Variants in PTPRD observed in about 807,000 individuals in gnomAD.
PTPRD encodes receptor-type tyrosine-protein phosphatase delta.
PTPRD carries 34 observed loss-of-function variants against 214.5 expected under a neutral mutation model. The ratio of observed to expected loss-of-function variants is 0.16; its 90% confidence interval spans 0.12 to 0.21. The LOEUF is 0.21. PTPRD is among the 10% of genes least tolerant of loss of function. The pLI is 1.00. For synonymous variants in PTPRD, 1,128 were observed against 845.7 expected (o/e 1.33, Z -5.79); for missense variants, 2,545 against 2,398.7 (o/e 1.06, Z -1.27).
At chr9:9,530,502 T>C (rs1427870849) in intron 8 of PTPRD, among the ~76,000 whole-genome samples, 2 of 151,984 alleles carry the variant, frequency 1.3e-5, no homozygotes, top group Non-Finnish European at 2.9e-5. Context: ...ATAAGAAGTC[T>C]CCAAACAAAG....
chr9:9,110,059 G>C (rs1315591020), intron 10 of PTPRD, among the ~76,000 whole-genome samples: 8 of 152,078 alleles, frequency 5.3e-5, no homozygotes, highest in Admixed American at 3.9e-4. Context: ...GGACAGGAAT[G>C]ACTTCATGGC....
chr9:10,218,207 A>G (rs1176832969), intron 3 of PTPRD, among the ~76,000 whole-genome samples: 2 of 151,914 alleles, frequency 1.3e-5, no homozygotes, highest in African/African-American at 2.4e-5. Context: ...GTAAAGGCAG[A>G]CTTAAAAATA....
intron 12 of PTPRD, among the ~76,000 whole-genome samples, chr9:8,725,544 A>G (rs1301988812): frequency 6.6e-6 from 1 of 152,164 alleles, no homozygotes; most frequent in Non-Finnish European, 1.5e-5. Context: ...AGTTAATGGG[A>G]TAATATATGC....
At chr9:8,579,336 A>G (rs1295654542) in intron 14 of PTPRD, among the ~76,000 whole-genome samples, 1 of 152,244 alleles carries the variant, frequency 6.6e-6, no homozygotes, top group Non-Finnish European at 1.5e-5. Flanking sequence ...TAATTTTAAA[A>G]GAAAAGATAT....
intron 7 of PTPRD, among the ~76,000 whole-genome samples, chr9:9,693,681 A>G (rs1247967593): frequency 6.6e-6 from 1 of 152,120 alleles, no homozygotes; most frequent in Non-Finnish European, 1.5e-5. Flanking sequence ...TAAACTTTCT[A>G]CTTCTATGTC....
intron 6 of PTPRD, among the ~76,000 whole-genome samples, chr9:9,757,761 T>C (rs1470466550): frequency 6.6e-6 from 1 of 152,166 alleles, no homozygotes; most frequent in Non-Finnish European, 1.5e-5. Context: ...TCTTATAAAA[T>C]CTTCATCATG....
intron 33 of PTPRD, among the ~76,000 whole-genome samples, chr9:8,450,732 T>C (rs560873495): frequency 2.6e-5 from 4 of 152,346 alleles, no homozygotes; most frequent in Non-Finnish European, 2.9e-5. Flanking sequence ...CAGATCTGTA[T>C]ATAAGATTTC....
chr9:8,786,408 T>TC (rs2095972980), intron 11 of PTPRD, among the ~76,000 whole-genome samples: 2 of 135,810 alleles, frequency 1.5e-5, no homozygotes, highest in African/African-American at 5.6e-5. Flanking sequence ...AGTTCTTTTT[T>TC]TTTTTTTTTT....
In PTPRD at chr9:9,484,613, C is replaced by T. The variant is rs574427536; in HGVS notation, c.-236-87131G>A. Among the ~76,000 whole-genome samples the T allele has an allele frequency of 2.6e-5, 4 of 152,184 alleles. No individual in the cohort carries two copies. In the East Asian group the frequency reaches 7.7e-4, roughly 29 times the overall value. On this transcript the variant is annotated intron_variant, in intron 8 of 45. Coordinates refer to ENST00000381196, the MANE Select transcript of PTPRD (RefSeq NM_002839.4). ...GTTATTGGTTTACATTCATTCAGTG[C>T]CCATATACATTATTTCATTTAATCC...
chr9:9,730,870 T>C (rs991507119), intron 7 of PTPRD, among the ~76,000 whole-genome samples: 6 of 152,110 alleles, frequency 3.9e-5, no homozygotes, highest in African/African-American at 1.4e-4. Flanking sequence ...GCATTGCACC[T>C]GACAAACGGT....
intron 11 of PTPRD, among the ~76,000 whole-genome samples, chr9:8,740,656 C>G (rs1266094803): frequency 6.6e-6 from 1 of 152,038 alleles, no homozygotes; most frequent in Non-Finnish European, 1.5e-5. Context: ...CTTGTAACAC[C>G]TCAAAATTAT....
chr9:9,805,697 T>C (rs2099068765), intron 5 of PTPRD, among the ~76,000 whole-genome samples: 2 of 152,150 alleles, frequency 1.3e-5, no homozygotes, highest in Non-Finnish European at 2.9e-5. Flanking sequence ...TTTTTCAGCT[T>C]AAAAAGCAAT....
At chr9:10,012,157 C>T (rs769599485) in intron 4 of PTPRD, among the ~76,000 whole-genome samples, 11 of 151,488 alleles carry the variant, frequency 7.3e-5, no homozygotes, top group South Asian at 2.1e-4. Flanking sequence ...CATTGTAAGA[C>T]GTATACAAAT....
At chr9:9,666,904 G>T (rs1162915859) in intron 7 of PTPRD, among the ~76,000 whole-genome samples, 1 of 151,632 alleles carries the variant, frequency 6.6e-6, no homozygotes, top group African/African-American at 2.4e-5. Context: ...ATACATTGTT[G>T]TATTTAATGC....
chr9:8,468,310 C>A (rs1221871630), intron 31 of PTPRD, among the ~76,000 whole-genome samples: 1 of 151,882 alleles, frequency 6.6e-6, no homozygotes, highest in Non-Finnish European at 1.5e-5. Context: ...GTTACAACCA[C>A]AAATGACCAC....
intron 3 of PTPRD, among the ~76,000 whole-genome samples, chr9:10,091,110 T>A (rs2098425035): frequency 6.6e-6 from 1 of 151,206 alleles, no homozygotes; most frequent in African/African-American, 2.4e-5. Flanking sequence ...CAGGAAAAAA[T>A]TAATGAGCAA....
At chr9:8,640,868 T>C (rs2096562145) in intron 12 of PTPRD, among the ~76,000 whole-genome samples, 1 of 149,118 alleles carries the variant, frequency 6.7e-6, no homozygotes, top group Non-Finnish European at 1.5e-5. Flanking sequence ...AGTAAAATCC[T>C]TTCACTAAGC....
At chr9:9,354,746 G>A (rs2053036272) in intron 9 of PTPRD, among the ~76,000 whole-genome samples, 1 of 151,784 alleles carries the variant, frequency 6.6e-6, no homozygotes, top group Non-Finnish European at 1.5e-5. Context: ...GATTAGGTAA[G>A]TAAGATAGCA....
At chr9:9,783,448 T>C (rs766470898) in intron 5 of PTPRD, among the ~76,000 whole-genome samples, 4 of 152,254 alleles carry the variant, frequency 2.6e-5, no homozygotes, top group South Asian at 4.1e-4. Context: ...TATGCTGGGG[T>C]ACACTGTTCT....
Sources: gnomAD v4.1 joint callset for allele counts (sites outside exome capture counted in the v4.1 genomes callset) on GRCh38, gnomAD v4.1.1 for gene constraint, MANE v1.5 for transcripts, NCBI Gene and HGNC (gene_info 2026-07-23, HGNC 2026-07-21) for gene names.